ABCF1: variants seen among roughly 807,000 people sequenced by gnomAD.
The protein encoded by ABCF1 is ATP binding cassette subfamily F member 1.
Under a neutral mutation model 126.3 loss-of-function variants are expected in ABCF1, and 73 were observed. The ratio of observed to expected loss-of-function variants is 0.58; its 90% CI spans 0.48 to 0.70. ABCF1 has a LOEUF of 0.70. Among genes scored for constraint, ABCF1 ranks in the 30% least tolerant of loss-of-function variants. The pLI, the probability that ABCF1 is intolerant of heterozygous loss-of-function variation, is 0.00. For missense variants in ABCF1, 786 were observed against 1,057.5 expected (o/e 0.74, Z 3.56); for synonymous variants, 345 against 396.4 (o/e 0.87, Z 1.54).
At position 30,582,378 on chromosome 6, in the gene ABCF1, C is replaced by T. The variant is rs1257214943; in HGVS notation, c.679-16C>T. On this transcript the variant is annotated splice_polypyrimidine_tract_variant and intron_variant, in intron 8 of 24. Coordinates refer to ENST00000326195, the MANE Select transcript of ABCF1 (RefSeq NM_001025091.2). ...GCCAGGAGTCCCTAGTTTTGACCAT[C>T]CCCGGGTTCTCACAGGGTTCAGAGG... is the stretch of plus-strand genomic sequence containing the variant. The T allele has an allele frequency of 1.3e-6, 2 of 1,549,618 alleles. No homozygotes were observed. Among genetic ancestry groups the T allele is most frequent in the Non-Finnish European group, 1.8e-6 (2 of 1,127,770 alleles).
rs760594771 is a variant in ABCF1, at chr6:30,571,579, G to A, written c.73+19G>A. The A allele has an allele frequency of 7.5e-6, 12 of 1,606,148 alleles. No individual in the cohort carries two copies. In the African/African-American group the frequency reaches 1.5e-4, roughly 20 times the overall value. On this transcript the variant is annotated intron_variant, in intron 1 of 24. Transcript: ENST00000326195. ...CCATCAGGTGAGGCTGGTAGGCAAG[G>A]AAGAAACGAGCAGAGGGGGAAGAGA...
intron 20 of ABCF1, among the ~76,000 whole-genome samples, chr6:30,588,327 C>G (rs1481387560): frequency 6.6e-6 from 1 of 152,020 alleles, no homozygotes; most frequent in Admixed American, 6.6e-5. Flanking sequence ...CCAAATATAT[C>G]AAGCATTTTT....
At chr6:30,580,630 T>C in intron 8 of ABCF1, 111 bp downstream of exon 8, 1 of 675,694 alleles carries the variant, frequency 1.5e-6, no homozygotes, top group South Asian at 3.6e-5. Context: ...ACCTTTATTC[T>C]TTTCTTTTTT....
Position 30,585,697 on chromosome 6 carries a change from G to C in ABCF1, c.1600+15G>C. ...GGGCAATTACAGTAAGTAGGATTGT[G>C]TGTGGATGCAGGGAAGAGATAGAAC... is the stretch of plus-strand genomic sequence containing the variant. On this transcript the variant is annotated intron_variant, in intron 16 of 24. Transcript: ENST00000326195. 1 of 1,612,388 alleles carries C rather than the reference G, an allele frequency of 6.2e-7. No individual in the cohort carries two copies.
rs1430946714 is a variant in ABCF1, at chr6:30,571,643, A to T, written c.73+83A>T. ...GTGTTTTAAGAGAGGGTCATGGGGC[A>T]CGAGACTGACCGGGCCCCTGCGGGA... On this transcript the variant is annotated intron_variant, in intron 1 of 24. Transcript: ENST00000326195. The T allele has an allele frequency of 7.6e-6, 11 of 1,449,696 alleles. No individual in the cohort carries two copies. The Admixed American group carries it at 2.2e-4, about 29-fold the overall frequency. 89.8% of individuals were successfully genotyped at this position (1,449,696 alleles called of 1,614,324 possible). A position where few individuals can be genotyped will look rare whatever the true frequency, so the allele number is the denominator to read the frequency against.
At position 30,571,556 on chromosome 6, in the gene ABCF1, A is replaced by T. The variant is rs1318349203; in HGVS notation, c.69A>T (p.Pro23=). Residue 23 remains proline (P), a synonymous_variant, in exon 1 of 25, where the codon CCA becomes CCT. Transcript: ENST00000326195. ...TCGGGGACGGAGAGAGCACGAGCCCATCAGGTGAGGCTGGTAGGCAAGGAA... is the reference window on the plus strand; with the variant it reads ...TCGGGGACGGAGAGAGCACGAGCCCTTCAGGTGAGGCTGGTAGGCAAGGAA... ...EWIGDGESTS[P]SDKVVKKGKK... 5.6e-6 allele frequency: 9 copies of T among 1,609,852 alleles called. No individual in the cohort carries two copies. In the South Asian group the frequency reaches 9.9e-5, roughly 18 times the overall value.
At position 30,586,130 on chromosome 6, in the gene ABCF1, C is replaced by G; in HGVS notation, c.1714-4C>G. ...GGTTTCTCTTTTTTCCTCTTCCTCT[C>G]CAGGAAAAACAAACGAAGGAAGCCC... is the stretch of plus-strand genomic sequence containing the variant. On this transcript the variant is annotated splice_region_variant and splice_polypyrimidine_tract_variant and intron_variant, in intron 17 of 24. Coordinates refer to ENST00000326195, the MANE Select transcript of ABCF1 (RefSeq NM_001025091.2). This position sits in a 1 kb window ranked among gnomAD's most constrained non-coding sequence, Gnocchi z 4.9. 1 of 1,610,366 alleles carries G rather than the reference C, an allele frequency of 6.2e-7. No individual in the cohort carries two copies. Among genetic ancestry groups the G allele is most frequent in the Non-Finnish European group, 8.5e-7 (1 of 1,178,844 alleles).
intron 20 of ABCF1, among the ~76,000 whole-genome samples, chr6:30,588,733 T>C (rs1227947298): frequency 1.3e-5 from 2 of 152,032 alleles, no homozygotes; most frequent in Admixed American, 1.3e-4. Context: ...CCATTTCTGC[T>C]CTCTCTAGCA....
rs779010407 is a variant in ABCF1, at chr6:30,586,620, C to T, written c.1961-21C>T. On this transcript the variant is annotated intron_variant, in intron 19 of 24. Transcript: ENST00000326195. This position sits in a 1 kb window ranked among gnomAD's most constrained non-coding sequence, Gnocchi z 4.9. ...GAGAGTCTCTGGGGACCTCTTTGAC[C>T]ACCTGTCTTCCATCTTGCAGTTTGC... The T allele has an allele frequency of 2.5e-6, 4 of 1,613,362 alleles. No homozygotes were observed. Among genetic ancestry groups the T allele is most frequent in the South Asian group, 2.2e-5 (2 of 91,086 alleles).
chr6:30,573,906 C>T (rs544341583), intron 1 of ABCF1, among the ~76,000 whole-genome samples: 46 of 152,182 alleles, frequency 3.0e-4, no homozygotes, highest in Non-Finnish European at 5.6e-4. Flanking sequence ...GACAAGAATA[C>T]GAAACAGTAA....
chr6:30,586,201 A>G lies in ABCF1; in HGVS notation c.1781A>G (p.Glu594Gly), dbSNP rs199736331. ...QKCRRKNQDE[E>G]SQEAPELLKR... The stretch of plus-strand genomic sequence containing the variant: ...TGCCGACGGAAAAACCAAGATGAGG[A>G]ATCCCAGGAGGCCCCTGAGCTCCTG... The change falls in exon 18 of 25, where the codon GAA becomes GGA. Residue 594 changes from glutamate to glycine, a missense_variant. Around this residue, in one of 4 missense-constraint regions of ABCF1, gnomAD observed 288 missense variants for 423.5 expected, o/e 0.68. Transcript: ENST00000326195. This position sits in a 1 kb window ranked among gnomAD's most constrained non-coding sequence, Gnocchi z 4.9. 1.5e-5 allele frequency: 24 copies of G among 1,614,024 alleles called. No individual in the cohort carries two copies. The East Asian group carries it at 5.3e-4, about 36-fold the overall frequency.
chr6:30,572,997 T>C (rs933014956), intron 1 of ABCF1, among the ~76,000 whole-genome samples: 4 of 152,144 alleles, frequency 2.6e-5, no homozygotes, highest in African/African-American at 9.7e-5. Flanking sequence ...AGGAGTTTAA[T>C]CCTAAAGACA....
rs1353583921 is a variant in ABCF1, at chr6:30,583,658, A to G, written c.966A>G (p.Ala322=). 6.2e-7 allele frequency: 1 copy of G among 1,614,046 alleles called. No individual in the cohort carries two copies. The highest frequency in any genetic ancestry group is 8.5e-7 in the Non-Finnish European group (1 of 1,179,918). Residue 322 remains alanine (A), a synonymous_variant, in exon 11 of 25, where the codon GCA becomes GCG. Coordinates refer to ENST00000326195, the MANE Select transcript of ABCF1 (RefSeq NM_001025091.2). This position sits in a 1 kb window ranked among gnomAD's most constrained non-coding sequence, Gnocchi z 4.1. ...SAHGKELFVN[A]DLYIVAGRRY... The stretch of plus-strand genomic sequence containing the variant: ...ATGGCAAGGAGCTGTTCGTCAATGC[A>G]GACCTGTACATTGTAGCCGGCCGCC...
At chr6:30,582,177 C>T (rs1380009847) in intron 8 of ABCF1, among the ~76,000 whole-genome samples, 1 of 152,058 alleles carries the variant, frequency 6.6e-6, no homozygotes, top group Non-Finnish European at 1.5e-5. Context: ...CTGCCTCAGC[C>T]TCCCGAGTAG....
In ABCF1 at chr6:30,590,925, C is replaced by G. The variant is rs1208119616; in HGVS notation, c.*224C>G. 2 of 503,758 alleles carry G rather than the reference C, an allele frequency of 4.0e-6. No homozygotes were observed. Among genetic ancestry groups the G allele is most frequent in the Non-Finnish European group, 6.8e-6 (2 of 293,410 alleles). 31.2% of individuals were successfully genotyped at this position (503,758 alleles called of 1,614,324 possible). On this transcript the variant is annotated 3_prime_UTR_variant, in exon 25 of 25. Coordinates refer to ENST00000326195, the MANE Select transcript of ABCF1 (RefSeq NM_001025091.2). ...GCTTCTCTTCATATAACTGAGCTGG[C>G]CTTATCCTTGGCATCCCCCTAAACA...
rs748047067 is a variant in ABCF1 at position 30,589,838 on chromosome 6, G to T, written c.2097G>T (p.Glu699Asp). 4.3e-6 allele frequency: 7 copies of T among 1,614,190 alleles called. No homozygotes were observed. The highest frequency in any genetic ancestry group is 5.1e-6 in the Non-Finnish European group (6 of 1,180,042). Residue 699 changes from glutamate (E) to aspartate (D), a missense_variant, in exon 22 of 25, where the codon GAG becomes GAT. By Grantham distance (45) the Glu-to-Asp change is conservative. This residue lies in a region of ABCF1 where 288 missense variants were observed against 423.5 expected (regional missense o/e 0.68). Transcript: ENST00000326195. ...KIGFFNQQYA[E>D]QLRMEETPTE... ...GCTTCTTCAACCAGCAGTATGCAGA[G>T]CAGCTGCGCATGGAGGAGACGCCCA...
At position 30,586,409 on chromosome 6, in the gene ABCF1, A is replaced by G. The variant is rs1802136171; in HGVS notation, c.1886-65A>G. ...GAGATTGCTCCTGTTCTCCAAGGCCAGCACATGAGAGGGACTTTGCAGGGA... is the reference window on the plus strand; with the variant it reads ...GAGATTGCTCCTGTTCTCCAAGGCCGGCACATGAGAGGGACTTTGCAGGGA... On this transcript the variant is annotated intron_variant, in intron 18 of 24. Transcript: ENST00000326195. This position sits in a 1 kb window ranked among gnomAD's most constrained non-coding sequence, Gnocchi z 4.9. The G allele has an allele frequency of 6.2e-7, 1 of 1,609,502 alleles. No individual in the cohort carries two copies. Among genetic ancestry groups the G allele is most frequent in the South Asian group, 1.1e-5 (1 of 90,822 alleles).
At position 30,572,391 on chromosome 6, in the gene ABCF1, T is replaced by C. The variant is rs1484747361; in HGVS notation, c.73+831T>C. 5.9e-5 allele frequency among the ~76,000 whole-genome samples: 9 copies of C among 152,324 alleles called. No homozygotes were observed. In the East Asian group the frequency reaches 1.7e-3, roughly 29 times the overall value. ...AGAGCATTAACCAGACAGACAGTGGTTGTCAGAGTATGATGAAGGTGCTTA... is the reference window on the plus strand; with the variant it reads ...AGAGCATTAACCAGACAGACAGTGGCTGTCAGAGTATGATGAAGGTGCTTA... On this transcript the variant is annotated intron_variant, in intron 1 of 24. Coordinates refer to ENST00000326195, the MANE Select transcript of ABCF1 (RefSeq NM_001025091.2).
Position 30,589,984 on chromosome 6 carries a change from CA to C in ABCF1, c.2233+11del. 1 of 1,612,006 alleles carries C rather than the reference CA, an allele frequency of 6.2e-7. No homozygotes were observed. The highest frequency in any genetic ancestry group is 8.5e-7 in the Non-Finnish European group (1 of 1,179,512). On this transcript the variant is annotated intron_variant, in intron 22 of 24. Transcript: ENST00000326195. ...ATCTGCAAACTCTCTGGTACCACTT[CA>C]GGGGCCAGGGAGGGTGCCCTTCACC...
Sources: allele counts gnomAD v4.1 joint callset (sites outside exome capture counted in the v4.1 genomes callset), GRCh38; gene constraint gnomAD v4.1.1; regional missense constraint gnomAD v4.1.1; non-coding constraint Gnocchi (gnomAD v3.1); transcripts MANE v1.5; gene names NCBI Gene and HGNC (gene_info 2026-07-23, HGNC 2026-07-21).